Variants in ASIC2 observed in about 807,000 individuals in gnomAD.
ASIC2 encodes the protein acid sensing ion channel subunit 2.
ASIC2 carries 25 observed loss-of-function variants against 57.3 expected under a neutral mutation model. The observed-to-expected ratio is 0.44, with a 90% confidence interval of 0.32 to 0.61. The LOEUF is 0.61. Ranked by LOEUF, ASIC2 falls within the 20% of genes least tolerant of loss-of-function variation. The pLI, the probability that ASIC2 is intolerant of heterozygous loss-of-function variation, is 0.06. For missense variants in ASIC2, 641 were observed against 738.1 expected, an observed-to-expected ratio of 0.87 and a Z score of 1.52; for synonymous variants, 319 against 307.5, an observed-to-expected ratio of 1.04 and a Z score of -0.39.
Position 33,025,981 on chromosome 17 carries a change from C to T in ASIC2, c.1140G>A (p.Gly380=). ...NCNCRMVHMP[G]DAPFCTPEQH... ...GCTCAGGGGTACAAAAAGGGGCATC[C>T]CCTGCAAAGAAGAAACACCAGACAG... The change falls in exon 5 of 10, where the codon GGG becomes GGA. Residue 380 remains glycine, a splice_region_variant and synonymous_variant. Coordinates refer to ENST00000225823, the MANE Select transcript of ASIC2 (RefSeq NM_183377.2). 1 of 1,613,634 alleles carries T rather than the reference C, an allele frequency of 6.2e-7. No homozygotes were observed. The highest frequency in any genetic ancestry group is 8.5e-7 in the Non-Finnish European group (1 of 1,179,772).
At chr17:34,038,829 C>A in intron 1 of ASIC2, 1 of 1,612,218 alleles carries the variant, frequency 6.2e-7, no homozygotes. Context: ...TGACCCATGG[C>A]AGGAGGTTTC....
intron 1 of ASIC2, among the ~76,000 whole-genome samples, chr17:33,646,776 G>A (rs1906754528): frequency 6.6e-6 from 1 of 152,078 alleles, no homozygotes; most frequent in African/African-American, 2.4e-5. Context: ...AGGGATGCAA[G>A]GGGCAAAAAG....
intron 1 of ASIC2, chr17:33,816,708 AG>A (rs1912593672): frequency 6.6e-6 from 1 of 152,210 alleles, no homozygotes; most frequent in African/African-American, 2.4e-5. Flanking sequence ...AGCCACAGAG[AG>A]GGGAAGAATC....
chr17:34,086,903 T>C (rs1910132092), intron 1 of ASIC2, among the ~76,000 whole-genome samples: 9 of 152,214 alleles, frequency 5.9e-5, no homozygotes, highest in Admixed American at 5.9e-4. Context: ...TAGATCTTCC[T>C]CCATCCTTTT....
intron 1 of ASIC2, among the ~76,000 whole-genome samples, chr17:34,040,084 G>A (rs2142044827): frequency 7.1e-6 from 1 of 141,564 alleles, no homozygotes; most frequent in South Asian, 2.2e-4. Flanking sequence ...GAAGGCCGCA[G>A]ATCCCCGGGC....
At chr17:33,484,512 T>C (rs955360108) in intron 1 of ASIC2, among the ~76,000 whole-genome samples, 4 of 152,226 alleles carry the variant, frequency 2.6e-5, no homozygotes, top group African/African-American at 9.6e-5. Context: ...ATATATTTTC[T>C]TCAACCCAAT....
intron 1 of ASIC2, among the ~76,000 whole-genome samples, chr17:34,102,006 T>C (rs1910883515): frequency 6.6e-6 from 1 of 152,116 alleles, no homozygotes; most frequent in Non-Finnish European, 1.5e-5. Context: ...AATAACTGTA[T>C]GCTTAAAAAA....
Position 33,080,535 on chromosome 17 carries a change from GT to G in ASIC2, c.987+8327del, listed in dbSNP as rs555636155. 4.6e-3 allele frequency among the ~76,000 whole-genome samples: 696 copies of G among 151,288 alleles called. 9 individuals carry two copies. The highest frequency in any genetic ancestry group is 0.012 in the African/African-American group (513 of 41,202). On this transcript the variant is annotated intron_variant, in intron 3 of 9. Coordinates refer to ENST00000225823, the MANE Select transcript of ASIC2 (RefSeq NM_183377.2). The stretch of plus-strand genomic sequence containing the variant: ...ATAGTACCCACCCCATATGTATCAT[GT>G]TTTTTTTTCCTATATATACATACAT...
At chr17:33,046,712 G>T (rs2091956620) in intron 3 of ASIC2, among the ~76,000 whole-genome samples, 1 of 152,222 alleles carries the variant, frequency 6.6e-6, no homozygotes, top group South Asian at 2.1e-4. Flanking sequence ...GGAAGGGGAT[G>T]TCTGTTGAGC....
chr17:33,788,693 C>T (rs557712134), intron 1 of ASIC2, among the ~76,000 whole-genome samples: 173 of 152,224 alleles, frequency 1.1e-3, no homozygotes, highest in Non-Finnish European at 2.0e-3. Context: ...CAATGTGGTA[C>T]ATATACACCA....
intron 1 of ASIC2, among the ~76,000 whole-genome samples, chr17:34,101,873 CA>C (rs926598369): frequency 1.1e-4 from 17 of 152,172 alleles, no homozygotes; most frequent in African/African-American, 4.1e-4. Flanking sequence ...CTGGCTCCAA[CA>C]ATTGTCGACA....
chr17:33,835,826 T>G (rs533574425), intron 1 of ASIC2, among the ~76,000 whole-genome samples: 1 of 151,964 alleles, frequency 6.6e-6, no homozygotes, highest in East Asian at 1.9e-4. Flanking sequence ...TTTATTGTAT[T>G]TTTTAGAGAT....
At chr17:34,099,526 AAG>A (rs1910739596) in intron 1 of ASIC2, among the ~76,000 whole-genome samples, 1 of 148,172 alleles carries the variant, frequency 6.7e-6, no homozygotes, top group Non-Finnish European at 1.5e-5. Flanking sequence ...AAGAAAAAGA[AAG>A]AAAGAAAGGA....
intron 1 of ASIC2, among the ~76,000 whole-genome samples, chr17:34,028,306 C>A (rs1301672774): frequency 1.3e-5 from 2 of 152,166 alleles, no homozygotes; most frequent in African/African-American, 4.8e-5. Flanking sequence ...ACAAAGAGTT[C>A]TTGCTGCAAA....
At chr17:33,636,092 T>C (rs1292269099) in intron 1 of ASIC2, among the ~76,000 whole-genome samples, 6 of 152,222 alleles carry the variant, frequency 3.9e-5, no homozygotes, top group African/African-American at 1.4e-4. Flanking sequence ...TATTTTGTTT[T>C]TGTAAAAATT....
chr17:33,268,735 C>T (rs1314624943), intron 1 of ASIC2, among the ~76,000 whole-genome samples: 1 of 152,148 alleles, frequency 6.6e-6, no homozygotes, highest in Admixed American at 6.5e-5. Flanking sequence ...ACATCTGCCT[C>T]ATTTCCCCAC....
chr17:33,109,555 C>T (rs1259527363), intron 2 of ASIC2, among the ~76,000 whole-genome samples: 2 of 152,218 alleles, frequency 1.3e-5, no homozygotes, highest in Non-Finnish European at 2.9e-5. Context: ...AGCAACGAGA[C>T]TGGAGTTCTC....
At chr17:33,988,322 G>T (rs1210796813) in intron 1 of ASIC2, among the ~76,000 whole-genome samples, 2 of 152,172 alleles carry the variant, frequency 1.3e-5, no homozygotes, top group Non-Finnish European at 2.9e-5. Flanking sequence ...ACGGGAGCAA[G>T]TCTTTCCCAT....
intron 1 of ASIC2, among the ~76,000 whole-genome samples, chr17:33,472,028 T>C (rs956943985): frequency 6.6e-6 from 1 of 151,480 alleles, no homozygotes; most frequent in Non-Finnish European, 1.5e-5. Context: ...TTCTTTTTTT[T>C]TTTTTTTTGA....
Sources: allele counts gnomAD v4.1 joint callset (sites outside exome capture counted in the v4.1 genomes callset), GRCh38; gene constraint gnomAD v4.1.1; transcripts MANE v1.5; gene names NCBI Gene and HGNC (gene_info 2026-07-23, HGNC 2026-07-21).